The following OSBPL9 variants were observed in gnomAD, a reference collection of about 807,000 sequenced individuals.
OSBPL9 encodes oxysterol binding protein like 9.
In OSBPL9, 40 loss-of-function variants were observed where a neutral mutation model predicts 106.6. The observed-to-expected ratio is 0.38, with a 90% CI of 0.29 to 0.49. The LOEUF (loss-of-function observed/expected upper bound fraction) is 0.49, where lower values mean the gene tolerates loss of function less well. OSBPL9 is among the 20% of genes least tolerant of loss of function. The probability of loss-of-function intolerance (pLI) is 0.97; values close to 1 mark genes in which losing one functional copy is unlikely to be tolerated. For missense variants in OSBPL9, 609 were observed against 887.2 expected (o/e 0.69, Z 3.98); for synonymous variants, 269 against 295.4 (o/e 0.91, Z 0.92).
the OSBPL9 span, among the ~76,000 whole-genome samples, chr1:51,547,780 G>T: frequency 6.6e-6 from 1 of 152,026 alleles, no homozygotes; most frequent in African/African-American, 2.4e-5. Context: ...GAACCCAGGA[G>T]GTCGAAGCTG....
chr1:51,749,724 A>G, intron 7 of OSBPL9: 1 of 205,352 alleles, frequency 4.9e-6, no homozygotes, highest in South Asian at 7.2e-5. Context: ...ATTTAGAGCC[A>G]AGCACGGTGG....
chr1:51,560,659 A>T, the OSBPL9 span, among the ~76,000 whole-genome samples: 1 of 152,164 alleles, frequency 6.6e-6, no homozygotes, highest in Non-Finnish European at 1.5e-5. Context: ...ATCTTTCTTA[A>T]TAAGTCTCAG....
At chr1:51,715,586 G>A (rs1424019752) in intron 4 of OSBPL9, among the ~76,000 whole-genome samples, 1 of 152,006 alleles carries the variant, frequency 6.6e-6, no homozygotes, top group African/African-American at 2.4e-5. Flanking sequence ...GCCTAAGAGG[G>A]GAGGATAAGT....
intron 9 of OSBPL9, among the ~76,000 whole-genome samples, chr1:51,759,023 A>C (rs1163842124): frequency 6.6e-6 from 1 of 152,070 alleles, no homozygotes; most frequent in Non-Finnish European, 1.5e-5. Flanking sequence ...TAAGAGACTT[A>C]AAGATTCTAA....
chr1:51,786,023 C>T lies in OSBPL9; in HGVS notation c.1908+137C>T, dbSNP rs968941012. ...TATTAGAGCTGGAACTTTAGGACAG[C>T]TCCAGTGTATGTCATCTCTTCAGGG... On this transcript the variant is annotated intron_variant, in intron 21 of 23. Coordinates refer to ENST00000428468, the MANE Select transcript of OSBPL9 (RefSeq NM_024586.6). 4 of 735,422 alleles carry T rather than the reference C, an allele frequency of 5.4e-6. No individual in the cohort carries two copies. The Admixed American group carries it at 8.7e-5, about 16-fold the overall frequency. 45.6% of individuals were successfully genotyped at this position (735,422 alleles called of 1,614,324 possible). A position where few individuals can be genotyped will look rare whatever the true frequency, so the allele number is the denominator to read the frequency against.
At chr1:51,717,344 T>C (rs1571293578) in intron 4 of OSBPL9, among the ~76,000 whole-genome samples, 1 of 152,240 alleles carries the variant, frequency 6.6e-6, no homozygotes, top group East Asian at 1.9e-4. Flanking sequence ...TACTAAGAGC[T>C]GAACCACCTG....
intron 4 of OSBPL9, among the ~76,000 whole-genome samples, chr1:51,718,702 T>A (rs1661518317): frequency 6.6e-6 from 1 of 152,218 alleles, no homozygotes; most frequent in Admixed American, 6.5e-5. Context: ...TTAGTAGTCA[T>A]CTTACTGACT....
the OSBPL9 span, among the ~76,000 whole-genome samples, chr1:51,571,353 A>T: frequency 6.6e-6 from 1 of 152,200 alleles, no homozygotes; most frequent in Non-Finnish European, 1.5e-5. Context: ...ACATTATGTT[A>T]GGAGTTGTCT....
chr1:51,745,264 A>C (rs773522809), intron 4 of OSBPL9: 4 of 336,034 alleles, frequency 1.2e-5, no homozygotes, highest in Non-Finnish European at 2.2e-5. Context: ...TTTGGGGGAG[A>C]TAAGAAAGTG....
At position 51,772,066 on chromosome 1, in the gene OSBPL9, A is replaced by G; in HGVS notation, c.939-4A>G. ...CTTAAATAAGGTAATTAATGTTTTT[A>G]TAGTTCTTCTGGATCTGCCTCAGTC... On this transcript the variant is annotated splice_polypyrimidine_tract_variant and splice_region_variant and intron_variant, in intron 12 of 23. Transcript: ENST00000428468. The G allele has an allele frequency of 1.2e-6, 2 of 1,605,256 alleles. No individual in the cohort carries two copies. Among genetic ancestry groups the G allele is most frequent in the Non-Finnish European group, 8.5e-7 (1 of 1,175,122 alleles).
At chr1:51,745,118 A>T (rs1466251295) in intron 4 of OSBPL9, 1 of 161,674 alleles carries the variant, frequency 6.2e-6, no homozygotes, top group African/African-American at 2.4e-5. Context: ...CAGTGAGAAT[A>T]TGAAGTTAAC....
chr1:51,748,257 CACTT>C, intron 6 of OSBPL9, 108 bp from the exon 7 acceptor site: 1 of 1,306,750 alleles, frequency 7.7e-7, no homozygotes, highest in Non-Finnish European at 1.0e-6. Context: ...TGCTTGTACT[CACTT>C]AGAATGAGTA....
chr1:51,623,817 A>G (rs1011083754), intron 1 of OSBPL9, among the ~76,000 whole-genome samples: 4 of 152,208 alleles, frequency 2.6e-5, no homozygotes, highest in African/African-American at 7.2e-5. Flanking sequence ...TCTCCTGGAA[A>G]GGTATCAGCA....
intron 8 of OSBPL9, among the ~76,000 whole-genome samples, chr1:51,755,693 G>A (rs545738238): frequency 3.8e-4 from 58 of 152,308 alleles, no homozygotes; most frequent in Non-Finnish European, 7.2e-4. Flanking sequence ...TCTACAACAC[G>A]TTTAAGGTAG....
chr1:51,677,010 A>G (rs1049065185), intron 3 of OSBPL9, among the ~76,000 whole-genome samples: 1 of 152,212 alleles, frequency 6.6e-6, no homozygotes, highest in Non-Finnish European at 1.5e-5. Context: ...AGATAGCTTT[A>G]TGTCTAGTTT....
chr1:51,531,119 C>G, the OSBPL9 span, among the ~76,000 whole-genome samples: 1 of 150,216 alleles, frequency 6.7e-6, no homozygotes, highest in East Asian at 2.0e-4. Context: ...ACTATAAATA[C>G]AAAAGAACTA....
At chr1:51,569,835 G>A in the OSBPL9 span, 1 of 152,100 alleles carries the variant, frequency 6.6e-6, no homozygotes, top group Admixed American at 6.6e-5. Context: ...ACCAATCTCT[G>A]GTATTTTCTT....
At chr1:51,527,335 GATGA>G in the OSBPL9 span, among the ~76,000 whole-genome samples, 864 of 151,206 alleles carry the variant, frequency 5.7e-3, 8 homozygotes, top group Middle Eastern at 0.017. Flanking sequence ...TGATGGTGAT[GATGA>G]TGATGATGAT....
At position 51,714,080 on chromosome 1, in the gene OSBPL9, G is replaced by C. The variant is rs200737562; in HGVS notation, c.318+1G>C. ...TCTTCGACATACTCTCCAGCTTCAA[G>C]TAAGGGTCTTTACATGGTTTCCAGA... On this transcript the variant is annotated splice_donor_variant, in intron 4 of 23. Coordinates refer to ENST00000428468, the MANE Select transcript of OSBPL9 (RefSeq NM_024586.6). LOFTEE classifies it high-confidence loss of function. The C allele has an allele frequency of 2.5e-6, 4 of 1,603,780 alleles. No individual in the cohort carries two copies. The highest frequency in any genetic ancestry group is 3.4e-6 in the Non-Finnish European group (4 of 1,173,804).
Sources: allele counts gnomAD v4.1 joint callset (sites outside exome capture counted in the v4.1 genomes callset), GRCh38; gene constraint gnomAD v4.1.1; transcripts MANE v1.5; gene names NCBI Gene and HGNC (gene_info 2026-07-23, HGNC 2026-07-21).